TMEM65: variants seen among roughly 807,000 people sequenced by gnomAD.
TMEM65 encodes transmembrane protein 65.
A neutral mutation model predicts 25.4 loss-of-function variants in TMEM65; 22 were observed. That is an observed-to-expected ratio of 0.86 (90% CI 0.62 to 1.23). The LOEUF (loss-of-function observed/expected upper bound fraction) is 1.23, where lower values mean the gene tolerates loss of function less well. Among genes scored for constraint, TMEM65 ranks in the 50% most tolerant of loss-of-function variants. TMEM65 has a pLI of 0.00. For missense variants in TMEM65, 262 were observed against 308.2 expected, an observed-to-expected ratio of 0.85 and a Z score of 1.12; for synonymous variants, 132 against 126.2, an observed-to-expected ratio of 1.05 and a Z score of -0.31.
intron 4 of TMEM65, among the ~76,000 whole-genome samples, chr8:124,322,526 C>T (rs1442413085): frequency 1.3e-5 from 2 of 152,004 alleles, no homozygotes; most frequent in African/African-American, 4.8e-5. Flanking sequence ...AACTCATTTA[C>T]CTAATGCTTT....
chr8:124,365,033 A>G (rs578069498), intron 1 of TMEM65, among the ~76,000 whole-genome samples: 19 of 152,302 alleles, frequency 1.2e-4, no homozygotes, highest in African/African-American at 4.3e-4. Flanking sequence ...ATATCACATC[A>G]TCTCAAACTT....
At chr8:124,339,048 G>A (rs113782274) in intron 1 of TMEM65, among the ~76,000 whole-genome samples, 2 of 151,070 alleles carry the variant, frequency 1.3e-5, no homozygotes, top group African/African-American at 4.9e-5. Context: ...AATTAGCTGG[G>A]CGTGGTGGCA....
chr8:124,370,901 A>G (rs2131235967), intron 1 of TMEM65, among the ~76,000 whole-genome samples: 1 of 152,346 alleles, frequency 6.6e-6, no homozygotes, highest in South Asian at 2.1e-4. Context: ...ATGTAATACA[A>G]ACTGAAGCAA....
chr8:124,347,983 C>T (rs1177327999), intron 1 of TMEM65, among the ~76,000 whole-genome samples: 5 of 151,278 alleles, frequency 3.3e-5, no homozygotes, highest in Admixed American at 6.6e-5. Context: ...CTCTGCCTCC[C>T]AGGTTCAAGC....
intron 1 of TMEM65, among the ~76,000 whole-genome samples, chr8:124,355,298 A>G (rs946487851): frequency 2.6e-5 from 4 of 152,166 alleles, no homozygotes; most frequent in African/African-American, 9.7e-5. Flanking sequence ...TTTCTCATGC[A>G]CATAAAATTC....
intron 1 of TMEM65, among the ~76,000 whole-genome samples, chr8:124,340,586 A>G (rs1164106336): frequency 6.6e-6 from 1 of 152,172 alleles, no homozygotes; most frequent in South Asian, 2.1e-4. Flanking sequence ...GGTGAAATAA[A>G]CTTATGTTAT....
intron 1 of TMEM65, among the ~76,000 whole-genome samples, chr8:124,360,955 G>A (rs1208457553): frequency 1.3e-5 from 2 of 152,202 alleles, no homozygotes; most frequent in Non-Finnish European, 2.9e-5. Flanking sequence ...CTTCTGAATT[G>A]TCAGTTATAT....
intron 1 of TMEM65, among the ~76,000 whole-genome samples, chr8:124,360,095 G>A (rs1002682585): frequency 6.6e-6 from 1 of 151,954 alleles, no homozygotes; most frequent in African/African-American, 2.4e-5. Context: ...GCATGTAGCT[G>A]GCTATTTTGA....
chr8:124,332,301 C>T (rs1206442869), intron 1 of TMEM65, among the ~76,000 whole-genome samples: 2 of 152,122 alleles, frequency 1.3e-5, no homozygotes, highest in Non-Finnish European at 2.9e-5. Context: ...GTCTCATCAT[C>T]ACTACAGTTC....
chr8:124,321,965 A>G (rs1384982646), intron 5 of TMEM65, 140 bp downstream of exon 5: 5 of 721,386 alleles, frequency 6.9e-6, no homozygotes, highest in Non-Finnish European at 4.6e-6. Flanking sequence ...ATTAGTTTAG[A>G]AAAAGTAAAT....
chr8:124,319,450 T>C (rs1814278703), intron 6 of TMEM65, among the ~76,000 whole-genome samples: 1 of 152,146 alleles, frequency 6.6e-6, no homozygotes, highest in Non-Finnish European at 1.5e-5. Context: ...TCCAATGTTG[T>C]CTCCTGCTGC....
At chr8:124,350,930 CACTA>C in intron 1 of TMEM65, 2 of 950,092 alleles carry the variant, frequency 2.1e-6, no homozygotes, top group Non-Finnish European at 2.5e-6. Context: ...CAGTCAAAAA[CACTA>C]ACGCAAAAAC....
chr8:124,330,140 A>G (rs939600242), intron 2 of TMEM65, among the ~76,000 whole-genome samples: 3 of 151,916 alleles, frequency 2.0e-5, no homozygotes, highest in African/African-American at 7.2e-5. Flanking sequence ...TTTAGCTTTA[A>G]TTTACAACCT....
rs1367745019 is a variant in TMEM65, at chr8:124,308,915, A to C, written c.*5045T>G. The C allele has an allele frequency of 2.0e-5, 3 of 152,324 alleles. No homozygotes were observed. In the East Asian group the frequency reaches 5.8e-4, roughly 29 times the overall value. The allele number at this position is 152,324 out of a possible 1,614,324, so 9.4% of individuals were successfully genotyped here. The stretch of plus-strand genomic sequence containing the variant: ...GAAAAAAAGCAAAACATCAGACAGA[A>C]GTTACAATGCATTTTCATAATTACA... On this transcript the variant is annotated 3_prime_UTR_variant, in exon 7 of 7. Transcript: ENST00000297632.
At chr8:124,354,586 T>C (rs1294623926) in intron 1 of TMEM65, among the ~76,000 whole-genome samples, 1 of 152,198 alleles carries the variant, frequency 6.6e-6, no homozygotes, top group East Asian at 1.9e-4. Context: ...CCACATCTAA[T>C]AGCTTGTTTT....
At chr8:124,356,711 T>TAAA (rs1401801171) in intron 1 of TMEM65, among the ~76,000 whole-genome samples, 2 of 152,120 alleles carry the variant, frequency 1.3e-5, no homozygotes, top group Non-Finnish European at 2.9e-5. Flanking sequence ...ACTCTTTTTT[T>TAAA]ATTTTTATTT....
chr8:124,349,073 G>A (rs1370872139), intron 1 of TMEM65, among the ~76,000 whole-genome samples: 1 of 152,160 alleles, frequency 6.6e-6, no homozygotes, highest in Non-Finnish European at 1.5e-5. Context: ...CAGATGTTAA[G>A]TGACTTACTC....
chr8:124,347,628 T>A (rs554619469), intron 1 of TMEM65, among the ~76,000 whole-genome samples: 1 of 152,290 alleles, frequency 6.6e-6, no homozygotes, highest in East Asian at 1.9e-4. Context: ...ACTAAAACTG[T>A]CACATTGTTA....
intron 1 of TMEM65, among the ~76,000 whole-genome samples, chr8:124,370,350 T>C (rs1036477658): frequency 6.6e-6 from 1 of 152,198 alleles, no homozygotes; most frequent in Non-Finnish European, 1.5e-5. Context: ...GTTCAAATAG[T>C]CTTGTCAGTG....
Sources: allele counts gnomAD v4.1 joint callset (sites outside exome capture counted in the v4.1 genomes callset), GRCh38; gene constraint gnomAD v4.1.1; transcripts MANE v1.5; gene names NCBI Gene and HGNC (gene_info 2026-07-23, HGNC 2026-07-21).